Variants in AP2A2 observed in about 807,000 individuals in gnomAD.
AP2A2 encodes AP-2 complex subunit alpha-2.
A neutral mutation model predicts 104.2 loss-of-function variants in AP2A2; 32 were observed. That is an observed-to-expected ratio of 0.31 (90% CI 0.23 to 0.41). The LOEUF (loss-of-function observed/expected upper bound fraction) is 0.41. Ranked by LOEUF, AP2A2 falls within the 10% of genes least tolerant of loss-of-function variation. AP2A2 has a pLI of 1.00. For missense variants in AP2A2, 912 were observed against 1,261.0 expected, an observed-to-expected ratio of 0.72 and a Z score of 4.19; for synonymous variants, 539 against 533.3, an observed-to-expected ratio of 1.01 and a Z score of -0.15.
At chr11:965,309 G>GGA (rs1854573544) in intron 2 of AP2A2, among the ~76,000 whole-genome samples, 1 of 152,162 alleles carries the variant, frequency 6.6e-6, no homozygotes, top group Non-Finnish European at 1.5e-5. Flanking sequence ...CAGGACAGCG[G>GGA]GAGATGTGTA....
rs115936327 is a variant in AP2A2 at position 932,304 on chromosome 11, G to A, written c.67+6216G>A. ...ATACCCTTTGAATTGTGTTTCAGTG[G>A]GACTAAAGTTAAATTTTATTTGTTC... is the stretch of plus-strand genomic sequence containing the variant. On this transcript the variant is annotated intron_variant, in intron 1 of 21. Transcript: ENST00000448903. Among the ~76,000 whole-genome samples the A allele has an allele frequency of 7.9e-3, 1,202 of 152,248 alleles. 24 individuals are homozygous for A. Among genetic ancestry groups the A allele is most frequent in the African/African-American group, 0.028 (1,148 of 41,538 alleles).
intron 5 of AP2A2, among the ~76,000 whole-genome samples, chr11:977,982 G>C (rs1855107862): frequency 6.6e-6 from 1 of 152,188 alleles, no homozygotes. Context: ...GCTGGAGGCT[G>C]TCGTCCACCA....
In AP2A2 at chr11:1,010,532, G is replaced by C; in HGVS notation, c.2743-16G>C. 1 of 1,576,926 alleles carries C rather than the reference G, an allele frequency of 6.3e-7. No homozygotes were observed. The highest frequency in any genetic ancestry group is 8.6e-7 in the Non-Finnish European group (1 of 1,161,100). Reference sequence around the variant, plus strand: ...GCCTCGGCGTGCCCGTTGACCTGCTGTGCTCTCTGTTTCAGATGTACCGGC... The same window carrying C: ...GCCTCGGCGTGCCCGTTGACCTGCTCTGCTCTCTGTTTCAGATGTACCGGC... On this transcript the variant is annotated splice_polypyrimidine_tract_variant and intron_variant, in intron 21 of 21. Coordinates refer to ENST00000448903, the MANE Select transcript of AP2A2 (RefSeq NM_012305.4).
chr11:983,611 C>A (rs768967803), intron 6 of AP2A2, among the ~76,000 whole-genome samples: 1 of 152,062 alleles, frequency 6.6e-6, no homozygotes, highest in Non-Finnish European at 1.5e-5. Flanking sequence ...TCTCGATCTC[C>A]TGACCTTGTG....
chr11:928,155 T>G (rs907322621), intron 1 of AP2A2, among the ~76,000 whole-genome samples: 1 of 152,216 alleles, frequency 6.6e-6, no homozygotes, highest in Non-Finnish European at 1.5e-5. Context: ...GAGTGCGGTA[T>G]AGCCGTCCTC....
intron 2 of AP2A2, among the ~76,000 whole-genome samples, chr11:960,264 A>G (rs1329600693): frequency 6.9e-6 from 1 of 144,198 alleles, no homozygotes; most frequent in Non-Finnish European, 1.5e-5. Flanking sequence ...TTTTTTTGAG[A>G]TGGAGTCTTG....
intron 4 of AP2A2, among the ~76,000 whole-genome samples, chr11:973,088 C>T (rs552079465): frequency 3.3e-5 from 5 of 152,364 alleles, no homozygotes; most frequent in South Asian, 2.1e-4. Flanking sequence ...ACTGACCCCT[C>T]GCCCACACGG....
At chr11:934,139 C>A (rs940453028) in intron 1 of AP2A2, among the ~76,000 whole-genome samples, 3 of 152,048 alleles carry the variant, frequency 2.0e-5, no homozygotes, top group Admixed American at 6.6e-5. Flanking sequence ...TCAGCGCCCC[C>A]ACCCCGATAC....
Position 932,770 on chromosome 11 carries a change from C to T in AP2A2, c.67+6682C>T, listed in dbSNP as rs140966378. On this transcript the variant is annotated intron_variant, in intron 1 of 21. Transcript: ENST00000448903. ...CTTCACAGTGTTTTCCGTCTGGCTC[C>T]TCTGAAGGTCAGGATCACTTTCTTT... The T allele has an allele frequency of 1.1e-3, 516 of 456,214 alleles. 4 individuals are homozygous for T. The highest frequency in any genetic ancestry group is 2.1e-3 in the South Asian group (134 of 64,546). 28.3% of individuals were successfully genotyped at this position (456,214 alleles called of 1,614,324 possible). A position where few individuals can be genotyped will look rare whatever the true frequency, so the allele number is the denominator to read the frequency against.
intron 9 of AP2A2, 121 bp downstream of exon 9, chr11:987,074 T>G: frequency 8.2e-7 from 1 of 1,214,044 alleles, no homozygotes; most frequent in Non-Finnish European, 1.1e-6. Flanking sequence ...GTGCTGGTGC[T>G]GCTGGCCTCC....
In AP2A2 at chr11:968,401, G is replaced by A. The variant is rs1441648225; in HGVS notation, c.137-1768G>A. Among the ~76,000 whole-genome samples, 2 of 152,066 alleles carry A rather than the reference G, an allele frequency of 1.3e-5. No individual in the cohort carries two copies. The highest frequency in any genetic ancestry group is 4.8e-5 in the African/African-American group (2 of 41,406). Reference sequence around the variant, plus strand: ...GAGCAGAGGCTGGTCGGCTCCTCTCGGAGAGAGCCTGTCTCCGTCTCCGCC... The same window carrying A: ...GAGCAGAGGCTGGTCGGCTCCTCTCAGAGAGAGCCTGTCTCCGTCTCCGCC... On this transcript the variant is annotated intron_variant, in intron 2 of 21. Transcript: ENST00000448903. The surrounding 1 kb of genome is among the most constrained non-coding windows in gnomAD (Gnocchi z 4.2).
intron 16 of AP2A2, among the ~76,000 whole-genome samples, chr11:1,005,045 G>A (rs1215352666): frequency 6.6e-6 from 1 of 152,184 alleles, no homozygotes; most frequent in Non-Finnish European, 1.5e-5. Flanking sequence ...CATGTCCAAT[G>A]GCAGCACTAT....
At chr11:1,000,327 G>C in intron 14 of AP2A2, 105 bp from the exon 15 acceptor site, 1 of 1,177,172 alleles carries the variant, frequency 8.5e-7, no homozygotes, top group Non-Finnish European at 1.2e-6. Context: ...GGGAGTGCAT[G>C]GATGCCAAGG....
At chr11:971,959 G>A in intron 3 of AP2A2, 103 bp from the exon 4 acceptor site, 1 of 1,186,830 alleles carries the variant, frequency 8.4e-7, no homozygotes, top group Non-Finnish European at 1.2e-6. Context: ...GTGGTGCCTG[G>A]GCTGCTTCCG....
chr11:1,008,330 T>C (rs1856280804), intron 18 of AP2A2, 195 bp downstream of exon 18: 2 of 818,770 alleles, frequency 2.4e-6, no homozygotes, highest in Non-Finnish European at 3.5e-6. Context: ...GGCGGAGCCC[T>C]GGGCTCCGGG....
chr11:929,311 G>T (rs1853215014), intron 1 of AP2A2, among the ~76,000 whole-genome samples: 1 of 152,182 alleles, frequency 6.6e-6, no homozygotes, highest in Non-Finnish European at 1.5e-5. Flanking sequence ...GTGGAAAGAG[G>T]ACTCTGAGCC....
chr11:947,009 T>G (rs1354017948), intron 1 of AP2A2: 1 of 78,590 alleles, frequency 1.3e-5, no homozygotes, highest in Admixed American at 2.4e-4. Context: ...TTTTTTCTTT[T>G]CTTTTTTTTT....
intron 10 of AP2A2, among the ~76,000 whole-genome samples, chr11:990,973 G>A (rs1246417670): frequency 6.8e-6 from 1 of 147,342 alleles, no homozygotes; most frequent in Admixed American, 6.7e-5. Flanking sequence ...TTTCAGTCGG[G>A]TATGGTGCTC....
intron 2 of AP2A2, among the ~76,000 whole-genome samples, chr11:967,980 T>C (rs1854680090): frequency 6.6e-6 from 1 of 152,170 alleles, no homozygotes; most frequent in Non-Finnish European, 1.5e-5. Flanking sequence ...TGTATCAGTC[T>C]GGGTCCTTTC....
Sources: allele counts gnomAD v4.1 joint callset (sites outside exome capture counted in the v4.1 genomes callset), GRCh38; gene constraint gnomAD v4.1.1; non-coding constraint Gnocchi (gnomAD v3.1); transcripts MANE v1.5; gene names NCBI Gene and HGNC (gene_info 2026-07-23, HGNC 2026-07-21).